ZNF502: variants seen among roughly 807,000 people sequenced by gnomAD.
ZNF502 encodes the protein zinc finger protein 502.
Under a neutral mutation model 43.6 loss-of-function variants are expected in ZNF502, and 29 were observed. The ratio of observed to expected loss-of-function variants is 0.67; its 90% CI spans 0.50 to 0.91. The LOEUF (loss-of-function observed/expected upper bound fraction) is 0.91, where lower values mean the gene tolerates loss of function less well. Ranked by LOEUF, ZNF502 falls within the 40% of genes least tolerant of loss-of-function variation. The pLI, the probability that ZNF502 is intolerant of heterozygous loss-of-function variation, is 0.00. For synonymous variants in ZNF502, 171 were observed against 207.4 expected, an observed-to-expected ratio of 0.82 and a Z score of 1.51; for missense variants, 591 against 647.2, an observed-to-expected ratio of 0.91 and a Z score of 0.94.
chr3:44,717,488 C>T (rs984100361), intron 1 of ZNF502, among the ~76,000 whole-genome samples: 7 of 149,066 alleles, frequency 4.7e-5, no homozygotes, highest in African/African-American at 1.7e-4. Flanking sequence ...CCATCCTCAC[C>T]ACAACCTCCG....
Position 44,721,826 on chromosome 3 carries a change from A to G in ZNF502, c.1009A>G (p.Asn337Asp). 2 of 1,614,144 alleles carry G rather than the reference A, an allele frequency of 1.2e-6. No individual in the cohort carries two copies. The highest frequency in any genetic ancestry group is 8.5e-7 in the Non-Finnish European group (1 of 1,180,006). ...ECGKTFQTKA[N>D]LSQHQRIHSG... ...TGGGAAAACTTTCCAAACAAAGGCAAACCTCTCTCAGCATCAGAGAATTCA... is the reference window on the plus strand; with the variant it reads ...TGGGAAAACTTTCCAAACAAAGGCAGACCTCTCTCAGCATCAGAGAATTCA... The change falls in exon 3 of 3, where the codon AAC becomes GAC. Residue 337 changes from asparagine to aspartate, a missense_variant. Transcript: ENST00000436624.
In ZNF502 at chr3:44,722,172, A is replaced by G. The variant is rs1228319432; in HGVS notation, c.1355A>G (p.Gln452Arg). Residue 452 changes from glutamine (Q) to arginine (R), a missense_variant, in exon 3 of 3, where the codon CAG becomes CGG. Coordinates refer to ENST00000436624, the MANE Select transcript of ZNF502 (RefSeq NM_001134442.3). ...KGFNQNTCLT[Q>R]HMRIHTGEKP... Reference sequence around the variant, plus strand: ...TTTAATCAGAACACCTGCCTCACTCAGCATATGAGAATTCATACTGGAGAG... The same window carrying G: ...TTTAATCAGAACACCTGCCTCACTCGGCATATGAGAATTCATACTGGAGAG... 6.2e-7 allele frequency: 1 copy of G among 1,614,246 alleles called. No individual in the cohort carries two copies. Among genetic ancestry groups the G allele is most frequent in the Non-Finnish European group, 8.5e-7 (1 of 1,180,046 alleles).
chr3:44,713,451 T>C (rs182710669), intron 1 of ZNF502, among the ~76,000 whole-genome samples: 3 of 152,360 alleles, frequency 2.0e-5, no homozygotes, highest in African/African-American at 7.2e-5. Context: ...TAAGCAGATT[T>C]TGGTGGTAAT....
Position 44,722,318 on chromosome 3 carries a change from C to G in ZNF502, c.1501C>G (p.Arg501Gly). Residue 501 changes from arginine (R) to glycine (G), a missense_variant, in exon 3 of 3, where the codon CGC (arginine) becomes GGC (glycine). Arg to Gly is a moderately radical substitution (Grantham distance 125). Transcript: ENST00000436624. ...ATGTAGTGAGTGTGAGAAAACCTTC[C>G]GCAAGTATGCACACCTTAGTGAACA... ...YKCSECEKTF[R>G]KYAHLSEHYR... 1 of 1,614,022 alleles carries G rather than the reference C, an allele frequency of 6.2e-7. No homozygotes were observed. Among genetic ancestry groups the G allele is most frequent in the Non-Finnish European group, 8.5e-7 (1 of 1,179,972 alleles).
intron 1 of ZNF502, among the ~76,000 whole-genome samples, chr3:44,713,527 T>C (rs1704072701): frequency 2.0e-5 from 3 of 152,194 alleles, no homozygotes; most frequent in African/African-American, 2.4e-5. Context: ...TTGTGCTAAT[T>C]GATTTAATCT....
At position 44,721,971 on chromosome 3, in the gene ZNF502, G is replaced by A. The variant is rs1704360767; in HGVS notation, c.1154G>A (p.Gly385Asp). 1 of 1,614,114 alleles carries A rather than the reference G, an allele frequency of 6.2e-7. No individual in the cohort carries two copies. The highest frequency in any genetic ancestry group is 2.2e-5 in the East Asian group (1 of 44,876). ...AAACCATATAAGTGTAAAGAATGTGGCAAAGCGTTTACTCAGAGCACCCCA... is the reference window on the plus strand; with the variant it reads ...AAACCATATAAGTGTAAAGAATGTGACAAAGCGTTTACTCAGAGCACCCCA... ...GEKPYKCKECGKAFTQSTPLT... is the reference protein window; with the variant it reads ...GEKPYKCKECDKAFTQSTPLT... The change falls in exon 3 of 3, where the codon GGC becomes GAC. Residue 385 changes from glycine to aspartate, a missense_variant. Transcript: ENST00000436624.
Position 44,721,721 on chromosome 3 carries a change from T to C in ZNF502, c.904T>C (p.Ser302Pro), listed in dbSNP as rs1575543596. The C allele has an allele frequency of 1.2e-6, 2 of 1,610,606 alleles. No individual in the cohort carries two copies. Among genetic ancestry groups the C allele is most frequent in the African/African-American group, 1.3e-5 (1 of 74,550 alleles). The part of the protein sequence containing the change: ...EKPYICSECG[S>P]SFRKHSNLTQ... ...GCCTTACATATGCAGTGAATGTGGC[T>C]CTTCTTTTCGAAAACACTCAAATCT... The change falls in exon 3 of 3, where the codon TCT (serine) becomes CCT (proline). Residue 302 changes from serine (S) to proline (P), a missense_variant. Ser to Pro is a moderately conservative substitution (Grantham distance 74, BLOSUM62 -1). Transcript: ENST00000436624.
chr3:44,722,753 C>G lies in ZNF502; in HGVS notation c.*301C>G, dbSNP rs1297020581. On this transcript the variant is annotated 3_prime_UTR_variant, in exon 3 of 3. Transcript: ENST00000436624. ...AGGCATTTGTTAGCACTTCTGTTCA[C>G]TTTACTACATCCTGCCCCACATTCT... The G allele has an allele frequency of 3.3e-6, 1 of 304,234 alleles. No homozygotes were observed. Among genetic ancestry groups the G allele is most frequent in the Non-Finnish European group, 6.1e-6 (1 of 165,132 alleles). 18.8% of individuals were successfully genotyped at this position (304,234 alleles called of 1,614,324 possible). A position where few individuals can be genotyped will look rare whatever the true frequency, so the allele number is the denominator to read the frequency against.
Position 44,722,814 on chromosome 3 carries a change from GA to G in ZNF502, c.*363del, listed in dbSNP as rs1005760714. On this transcript the variant is annotated 3_prime_UTR_variant, in exon 3 of 3. Transcript: ENST00000436624. ...CCATTTTCGTTGGCTGGCAGGTTGA[GA>G]TGTTTTTCTTAAACACTGCCTGTCA... 1.4e-4 allele frequency: 28 copies of G among 207,302 alleles called. No homozygotes were observed. The highest frequency in any genetic ancestry group is 6.4e-4 in the African/African-American group (27 of 42,276). The allele number at this position is 207,302 out of a possible 1,614,324, so 12.8% of individuals were successfully genotyped here.
rs745478580 is a variant in ZNF502 at position 44,721,614 on chromosome 3, C to T, written c.797C>T (p.Pro266Leu). 4.3e-6 allele frequency: 7 copies of T among 1,614,114 alleles called. No homozygotes were observed. The highest frequency in any genetic ancestry group is 4.5e-5 in the East Asian group (2 of 44,880). ...CAGAGAATTCACACTGGAGAGAAAC[C>T]TTATAAATGCAATAGGTGTGGGAAG... The part of the protein sequence containing the change: ...EHQRIHTGEK[P>L]YKCNRCGKAF... Residue 266 changes from proline to leucine, a missense_variant, in exon 3 of 3, where the codon CCT becomes CTT. Pro to Leu is a moderately conservative substitution (Grantham distance 98). Transcript: ENST00000436624.
chr3:44,722,681 G>A lies in ZNF502; in HGVS notation c.*229G>A, dbSNP rs1704396685. 2.0e-6 allele frequency: 1 copy of A among 507,850 alleles called. No individual in the cohort carries two copies. Among genetic ancestry groups the A allele is most frequent in the Non-Finnish European group, 3.4e-6 (1 of 291,878 alleles). The allele number at this position is 507,850 out of a possible 1,614,324, so 31.5% of individuals were successfully genotyped here. A position where few individuals can be genotyped will look rare whatever the true frequency, so the allele number is the denominator to read the frequency against. ...AAGAAATTCCTGCTTTTCAGATAAA[G>A]CCTACACATTGCCACTGTCTCCCCA... is the stretch of plus-strand genomic sequence containing the variant. On this transcript the variant is annotated 3_prime_UTR_variant, in exon 3 of 3. Transcript: ENST00000436624.
At position 44,722,354 on chromosome 3, in the gene ZNF502, C is replaced by G; in HGVS notation, c.1537C>G (p.His513Asp). The G allele has an allele frequency of 1.2e-6, 2 of 1,614,254 alleles. No individual in the cohort carries two copies. Among genetic ancestry groups the G allele is most frequent in the Non-Finnish European group, 1.7e-6 (2 of 1,180,042 alleles). Residue 513 changes from histidine (H) to aspartate (D), a missense_variant, in exon 3 of 3, where the codon CAC becomes GAC. By Grantham distance (81) the His-to-Asp change is moderately conservative. Coordinates refer to ENST00000436624, the MANE Select transcript of ZNF502 (RefSeq NM_001134442.3). ...YAHLSEHYRI[H>D]TGEKPYECIE... is the part of the protein sequence containing the mutation. Reference sequence around the variant, plus strand: ...ACACCTTAGTGAACATTACAGAATTCACACTGGTGAGAAGCCTTATGAGTG... The same window carrying G: ...ACACCTTAGTGAACATTACAGAATTGACACTGGTGAGAAGCCTTATGAGTG...
At chr3:44,720,339 G>A in intron 2 of ZNF502, 23 bp downstream of exon 2, 1 of 1,612,838 alleles carries the variant, frequency 6.2e-7, no homozygotes, top group Non-Finnish European at 8.5e-7. Context: ...GGGACAAGCA[G>A]TGGGAGAAAT....
Position 44,722,586 on chromosome 3 carries a change from C to T in ZNF502, c.*134C>T. 8.2e-7 allele frequency: 1 copy of T among 1,224,028 alleles called. No individual in the cohort carries two copies. The highest frequency in any genetic ancestry group is 1.6e-5 in the South Asian group (1 of 62,604). 75.8% of individuals were successfully genotyped at this position (1,224,028 alleles called of 1,614,324 possible). A position where few individuals can be genotyped will look rare whatever the true frequency, so the allele number is the denominator to read the frequency against. On this transcript the variant is annotated 3_prime_UTR_variant, in exon 3 of 3. Coordinates refer to ENST00000436624, the MANE Select transcript of ZNF502 (RefSeq NM_001134442.3). ...TACTGTACTCTGAGAGGAATGTTTC[C>T]AGAAATGGAGGTGGGAGCTTAGGGA...
intron 2 of ZNF502, 56 bp from the exon 3 acceptor site, chr3:44,720,817 C>T (rs1704294463): frequency 6.5e-7 from 1 of 1,532,622 alleles, no homozygotes; most frequent in East Asian, 2.3e-5. Context: ...CTTACAGTTT[C>T]AGGGGCCTTC....
At chr3:44,720,846 G>A in intron 2 of ZNF502, 27 bp from the exon 3 acceptor site, 2 of 1,591,260 alleles carry the variant, frequency 1.3e-6, no homozygotes, top group Non-Finnish European at 1.7e-6. Flanking sequence ...CTGTACAGGA[G>A]ATATTCATTC....
intron 1 of ZNF502, among the ~76,000 whole-genome samples, chr3:44,714,939 T>C (rs548804085): frequency 1.3e-5 from 2 of 152,372 alleles, no homozygotes; most frequent in African/African-American, 4.8e-5. Flanking sequence ...TATCATCTTG[T>C]GAATGGGAGG....
rs1165843965 is a variant in ZNF502, at chr3:44,714,156, G to A, written c.-60+1416G>A. On this transcript the variant is annotated intron_variant, in intron 1 of 2. Transcript: ENST00000436624. ...CTAATTATTGAGGGGTAAGGAGGTGGCATCTGGGGAAAAGCTTACAAGGTA... is the reference window on the plus strand; with the variant it reads ...CTAATTATTGAGGGGTAAGGAGGTGACATCTGGGGAAAAGCTTACAAGGTA... 6.6e-5 allele frequency among the ~76,000 whole-genome samples: 10 copies of A among 152,258 alleles called. No homozygotes were observed. The South Asian group carries it at 1.0e-3, about 16-fold the overall frequency.
chr3:44,719,148 A>G (rs1239301129), intron 1 of ZNF502, among the ~76,000 whole-genome samples: 1 of 151,944 alleles, frequency 6.6e-6, no homozygotes, highest in Non-Finnish European at 1.5e-5. Context: ...TAATTTTTGT[A>G]TTCTTATAGA....
Sources: allele counts gnomAD v4.1 joint callset (sites outside exome capture counted in the v4.1 genomes callset), GRCh38; gene constraint gnomAD v4.1.1; transcripts MANE v1.5; gene names NCBI Gene and HGNC (gene_info 2026-07-23, HGNC 2026-07-21).